OFD1: variants seen among roughly 807,000 people sequenced by gnomAD.
OFD1 encodes the protein centriole and centriolar satellite protein OFD1.
In OFD1, 12 loss-of-function variants were observed where a neutral mutation model predicts 81.4. The observed-to-expected ratio is 0.15, with a 90% CI of 0.09 to 0.24. The LOEUF is 0.24. Ranked by LOEUF, OFD1 falls within the 10% of genes least tolerant of loss-of-function variation. The pLI, the probability that OFD1 is intolerant of heterozygous loss-of-function variation, is 1.00. For missense variants in OFD1, 685 were observed against 733.9 expected (o/e 0.93, Z 0.77); for synonymous variants, 256 against 263.7 (o/e 0.97, Z 0.28).
In OFD1 at chrX:13,761,061, G is replaced by A. The variant is rs146759174; in HGVS notation, c.2261-24G>A. 8.6e-4 allele frequency: 1,040 copies of A among 1,208,565 alleles called. 6 individuals are homozygous for A. The East Asian group carries it at 0.021, about 24-fold the overall frequency. On this transcript the variant is annotated intron_variant, in intron 16 of 22. Coordinates refer to ENST00000340096, the MANE Select transcript of OFD1 (RefSeq NM_003611.3). ...TCTCCGTGCAATTGGTAATATTCTT[G>A]CCTTGGTTCTTTCTGCACCTTAGGT...
chrX:13,733,102 G>A (rs2046712080), upstream of OFD1, among the ~76,000 whole-genome samples: 1 of 111,376 alleles, frequency 9.0e-6, no homozygotes, highest in African/African-American at 3.3e-5. Flanking sequence ...TTCAACTGTG[G>A]GACCAAAGGT....
rs1294545784 is a variant in OFD1 at position 13,769,332 on chromosome X, A to C, written c.*224A>C. The C allele has an allele frequency of 2.6e-6, 1 of 389,652 alleles. No homozygotes were observed. Among genetic ancestry groups the C allele is most frequent in the African/African-American group, 2.6e-5 (1 of 39,009 alleles). 32.1% of individuals were successfully genotyped at this position (389,652 alleles called of 1,213,427 possible). Reference sequence around the variant, plus strand: ...AGTCATAGTATTTCTCATTCATTATAATAAAAGTAACTGGCTTTTAACCTC... The same window carrying C: ...AGTCATAGTATTTCTCATTCATTATCATAAAAGTAACTGGCTTTTAACCTC... On this transcript the variant is annotated 3_prime_UTR_variant, in exon 23 of 23. Coordinates refer to ENST00000340096, the MANE Select transcript of OFD1 (RefSeq NM_003611.3).
intron 11 of OFD1, 76 bp downstream of exon 11, chrX:13,753,517 C>G (rs1233556627): frequency 6.1e-6 from 6 of 982,439 alleles, no homozygotes; most frequent in Non-Finnish European, 8.7e-6. Context: ...TGGGTCTTTT[C>G]TATATTCTAA....
rs933358902 is a variant in OFD1 at position 13,746,387 on chromosome X, T to C, written c.586T>C (p.Leu196=). ...CCCTCAGCGTATCAAGTTCGAATCT[T>C]TAGAAATAAAGCTAAATGAGTATAA... The part of the protein sequence containing the change: ...AYPQRIKFES[L]EIKLNEYKRE... Residue 196 remains leucine (L), a synonymous_variant, in exon 7 of 23, where the codon TTA becomes CTA. Transcript: ENST00000340096. 1 of 1,205,809 alleles carries C rather than the reference T, an allele frequency of 8.3e-7. No homozygotes were observed. The highest frequency in any genetic ancestry group is 1.7e-5 in the African/African-American group (1 of 57,254).
chrX:13,731,390 C>T (rs1297812693), upstream of OFD1, among the ~76,000 whole-genome samples: 1 of 112,349 alleles, frequency 8.9e-6, no homozygotes, highest in East Asian at 2.8e-4. Flanking sequence ...ATGTGAATCC[C>T]TAGATAAAAA....
chrX:13,723,786 T>C, the OFD1 span, among the ~76,000 whole-genome samples: 1 of 109,915 alleles, frequency 9.1e-6, no homozygotes, highest in African/African-American at 3.3e-5. Flanking sequence ...CTAGCTGAGG[T>C]GAACAAGCAG....
chrX:13,732,491 G>A (rs1400253557), upstream of OFD1, among the ~76,000 whole-genome samples: 2 of 112,972 alleles, frequency 1.8e-5, no homozygotes, highest in Admixed American at 9.3e-5. Flanking sequence ...AGGAACTGGC[G>A]CTGAGAAAGA....
chrX:13,764,455 TCTC>T (rs1431228959), intron 19 of OFD1, among the ~76,000 whole-genome samples: 1 of 111,497 alleles, frequency 9.0e-6, no homozygotes, highest in Non-Finnish European at 1.9e-5. Context: ...TTTTTCCTCT[TCTC>T]CTCCAGATTA....
intron 19 of OFD1, among the ~76,000 whole-genome samples, chrX:13,764,711 A>T (rs1417863018): frequency 1.8e-5 from 2 of 112,788 alleles, no homozygotes; most frequent in South Asian, 7.2e-4. Flanking sequence ...CCAGGAACAT[A>T]TAAAATAACT....
chrX:13,734,148 G>A, upstream of OFD1: 1 of 508,230 alleles, frequency 2.0e-6, no homozygotes, highest in Non-Finnish European at 3.5e-6. Context: ...AATATCTGGA[G>A]ACATCTTTGG....
chrX:13,768,022 G>A, intron 20 of OFD1, 32 bp from the exon 21 acceptor site: 1 of 1,153,344 alleles, frequency 8.7e-7, no homozygotes, highest in South Asian at 1.8e-5. Flanking sequence ...AAATGTATTT[G>A]TGTATTTTCT....
upstream of OFD1, among the ~76,000 whole-genome samples, chrX:13,733,824 A>C (rs1489097737): frequency 9.1e-6 from 1 of 109,819 alleles, no homozygotes; most frequent in African/African-American, 3.3e-5. Flanking sequence ...TCACCACCCG[A>C]ATCCTACCCA....
At position 13,767,272 on chromosome X, in the gene OFD1, G is replaced by T. The variant is rs773327584; in HGVS notation, c.2745G>T (p.Leu915=). ...LERERRELEK[L]YQERKMIEES... is the part of the protein sequence containing the mutation. ...GGGAACGAAGAGAACTAGAAAAACTGTATCAGGAAAGGGTAATAAGTATGA... is the reference window on the plus strand; with the variant it reads ...GGGAACGAAGAGAACTAGAAAAACTTTATCAGGAAAGGGTAATAAGTATGA... The change falls in exon 20 of 23, where the codon CTG becomes CTT. Residue 915 remains leucine, a synonymous_variant. Coordinates refer to ENST00000340096, the MANE Select transcript of OFD1 (RefSeq NM_003611.3). The T allele has an allele frequency of 1.7e-6, 2 of 1,209,728 alleles. No individual in the cohort carries two copies. The highest frequency in any genetic ancestry group is 2.2e-6 in the Non-Finnish European group (2 of 894,745).
At chrX:13,770,074 T>TA (rs1479909105), downstream of OFD1, among the ~76,000 whole-genome samples, 19 of 111,766 alleles carry the variant, frequency 1.7e-4, no homozygotes, top group African/African-American at 4.9e-4. Context: ...CTTCATCTCT[T>TA]AAAAAATCAA....
At chrX:13,717,148 T>C in the OFD1 span, among the ~76,000 whole-genome samples, 1 of 106,946 alleles carries the variant, frequency 9.4e-6, no homozygotes, top group African/African-American at 3.4e-5. Flanking sequence ...TCCTGCACAG[T>C]GGCACCAGGT....
chrX:13,741,832 C>G (rs1042085559), intron 5 of OFD1, among the ~76,000 whole-genome samples: 2 of 111,544 alleles, frequency 1.8e-5, no homozygotes, highest in Non-Finnish European at 3.8e-5. Flanking sequence ...GTCACAAGGT[C>G]GATTGATCAG....
chrX:13,770,907 A>AAGAT (rs762781227), downstream of OFD1: 20 of 112,624 alleles, frequency 1.8e-4, no homozygotes, highest in Non-Finnish European at 2.8e-4. Flanking sequence ...AGAACAAAGA[A>AAGAT]AGATAGGATT....
downstream of OFD1, chrX:13,771,226 A>C (rs1244147914): frequency 8.9e-6 from 1 of 111,942 alleles, no homozygotes; most frequent in Non-Finnish European, 1.9e-5. Flanking sequence ...CAGAATTAGA[A>C]AAGTAAAATT....
intron 18 of OFD1, 68 bp from the exon 19 acceptor site, chrX:13,763,677 C>T (rs935285847): frequency 2.0e-5 from 18 of 889,435 alleles, no homozygotes; most frequent in Non-Finnish European, 5.0e-6. Flanking sequence ...GTTGCCCCCA[C>T]ACTGCACTGC....
Sources: allele counts gnomAD v4.1 joint callset (sites outside exome capture counted in the v4.1 genomes callset), GRCh38; gene constraint gnomAD v4.1.1; transcripts MANE v1.5; gene names NCBI Gene and HGNC (gene_info 2026-07-23, HGNC 2026-07-21).